Variants in FHIT observed in about 807,000 individuals in gnomAD.
The protein encoded by FHIT is fragile histidine triad diadenosine triphosphatase.
FHIT carries 19 observed loss-of-function variants against 17.9 expected under a neutral mutation model. That is an observed-to-expected ratio of 1.06 (90% CI 0.74 to 1.56). The LOEUF (loss-of-function observed/expected upper bound fraction) is 1.56. Among genes scored for constraint, FHIT ranks in the 40% most tolerant of loss-of-function variants. The pLI, the probability that FHIT is intolerant of heterozygous loss-of-function variation, is 0.00. For synonymous variants in FHIT, 81 were observed against 69.7 expected (o/e 1.16, Z -0.81); for missense variants, 248 against 189.2 (o/e 1.31, Z -1.82).
intron 8 of FHIT, among the ~76,000 whole-genome samples, chr3:59,868,505 C>T (rs768964141): frequency 2.0e-5 from 3 of 152,216 alleles, no homozygotes; most frequent in Non-Finnish European, 2.9e-5. Context: ...CACCATCCTG[C>T]TATCAACATG....
At chr3:60,792,265 T>G (rs552603408) in intron 4 of FHIT, among the ~76,000 whole-genome samples, 1 of 152,242 alleles carries the variant, frequency 6.6e-6, no homozygotes, top group Non-Finnish European at 1.5e-5. Context: ...GAGGGCTTTT[T>G]TTGTAAGTGT....
intron 2 of FHIT, among the ~76,000 whole-genome samples, chr3:61,093,113 G>A (rs1032117251): frequency 2.0e-5 from 3 of 152,150 alleles, no homozygotes; most frequent in African/African-American, 7.2e-5. Context: ...CCCAGGTCTC[G>A]CCTCATCTGT....
intron 3 of FHIT, among the ~76,000 whole-genome samples, chr3:60,891,604 T>C (rs915854110): frequency 5.3e-5 from 8 of 152,146 alleles, no homozygotes; most frequent in Non-Finnish European, 7.3e-5. Flanking sequence ...GTGTCTATAT[T>C]TTTTCAGTAT....
chr3:60,676,750 T>G (rs1448316758), intron 4 of FHIT, among the ~76,000 whole-genome samples: 3 of 152,198 alleles, frequency 2.0e-5, no homozygotes, highest in Non-Finnish European at 4.4e-5. Flanking sequence ...CTGAAAATCC[T>G]CATCTATAAT....
chr3:61,135,844 A>C (rs2036900974), intron 2 of FHIT, among the ~76,000 whole-genome samples: 1 of 152,216 alleles, frequency 6.6e-6, no homozygotes, highest in African/African-American at 2.4e-5. Flanking sequence ...TAGAAAACTG[A>C]GCAAAAACCA....
chr3:61,229,017 C>T (rs2040036547), intron 1 of FHIT, among the ~76,000 whole-genome samples: 1 of 152,134 alleles, frequency 6.6e-6, no homozygotes, highest in African/African-American at 2.4e-5. Context: ...TAGAGTAGAG[C>T]AGAGCACAGA....
chr3:60,133,079 T>A (rs1699664396), intron 5 of FHIT, among the ~76,000 whole-genome samples: 1 of 152,132 alleles, frequency 6.6e-6, no homozygotes, highest in Admixed American at 6.6e-5. Flanking sequence ...TAATGTGGAT[T>A]GATACTAAAA....
At chr3:60,073,036 C>T (rs1028775842) in intron 5 of FHIT, among the ~76,000 whole-genome samples, 16 of 152,160 alleles carry the variant, frequency 1.1e-4, no homozygotes, top group Non-Finnish European at 5.9e-5. Context: ...ACCCCAACTC[C>T]TATCATCCAA....
At chr3:60,296,951 T>C (rs1312151292) in intron 5 of FHIT, among the ~76,000 whole-genome samples, 1 of 150,568 alleles carries the variant, frequency 6.6e-6, no homozygotes, top group African/African-American at 2.4e-5. Context: ...CCAGTGGGCA[T>C]ATTTGTGTAG....
At chr3:60,866,315 G>A (rs1320447068) in intron 3 of FHIT, among the ~76,000 whole-genome samples, 3 of 152,182 alleles carry the variant, frequency 2.0e-5, no homozygotes, top group African/African-American at 4.8e-5. Flanking sequence ...CTGCAGAAAT[G>A]TATGACTTCT....
At chr3:60,178,481 G>T (rs904779465) in intron 5 of FHIT, among the ~76,000 whole-genome samples, 2 of 152,040 alleles carry the variant, frequency 1.3e-5, no homozygotes, top group African/African-American at 4.8e-5. Context: ...AGCTACTCAG[G>T]AGACTGAGGC....
intron 4 of FHIT, among the ~76,000 whole-genome samples, chr3:60,747,657 T>C (rs1452651949): frequency 6.6e-6 from 1 of 152,174 alleles, no homozygotes; most frequent in African/African-American, 2.4e-5. Context: ...AAGGCAAAGA[T>C]TACTTTTAGC....
At chr3:59,898,107 C>T (rs1704155862) in intron 8 of FHIT, among the ~76,000 whole-genome samples, 1 of 152,096 alleles carries the variant, frequency 6.6e-6, no homozygotes, top group Non-Finnish European at 1.5e-5. Context: ...GATGCCACAA[C>T]TGGAAAATTC....
chr3:60,926,711 G>C (rs1559836587), intron 3 of FHIT, among the ~76,000 whole-genome samples: 2 of 152,182 alleles, frequency 1.3e-5, no homozygotes, highest in South Asian at 4.1e-4. Context: ...CATCAGAGCA[G>C]AACTGAAGGA....
intron 8 of FHIT, among the ~76,000 whole-genome samples, chr3:59,797,689 T>C (rs1031024281): frequency 6.6e-6 from 1 of 152,184 alleles, no homozygotes; most frequent in Non-Finnish European, 1.5e-5. Context: ...TTTTAATTCA[T>C]TTAATAATTA....
chr3:60,099,890 A>G (rs1158256320), intron 5 of FHIT, among the ~76,000 whole-genome samples: 2 of 152,234 alleles, frequency 1.3e-5, no homozygotes, highest in Non-Finnish European at 2.9e-5. Context: ...TCTGAGCTGC[A>G]GCAGATATTA....
chr3:60,569,740 T>G (rs994819042), intron 4 of FHIT, among the ~76,000 whole-genome samples: 6 of 83,522 alleles, frequency 7.2e-5, no homozygotes, highest in African/African-American at 3.3e-4. Context: ...TATATATATA[T>G]ATATATATAT....
intron 3 of FHIT, among the ~76,000 whole-genome samples, chr3:60,884,299 G>A (rs1174122274): frequency 3.3e-5 from 5 of 152,278 alleles, no homozygotes; most frequent in African/African-American, 9.6e-5. Context: ...ATGGAAAACG[G>A]TATGGAGGTT....
intron 4 of FHIT, among the ~76,000 whole-genome samples, chr3:60,760,387 T>C (rs1170956720): frequency 6.6e-6 from 1 of 152,154 alleles, no homozygotes; most frequent in African/African-American, 2.4e-5. Flanking sequence ...AGTAAGGGCA[T>C]ACACATAGCA....
Sources: allele counts gnomAD v4.1 joint callset (sites outside exome capture counted in the v4.1 genomes callset), GRCh38; gene constraint gnomAD v4.1.1; transcripts MANE v1.5; gene names NCBI Gene and HGNC (gene_info 2026-07-23, HGNC 2026-07-21).